Variants in CTNND2 observed in about 807,000 individuals in gnomAD.
CTNND2 encodes catenin delta 2, also known as catenin delta-2.
A neutral mutation model predicts 144.4 loss-of-function variants in CTNND2; 22 were observed. The ratio of observed to expected loss-of-function variants is 0.15; its 90% CI spans 0.11 to 0.22. CTNND2 has a LOEUF of 0.22. CTNND2 is among the 10% of genes least tolerant of loss of function. The pLI, the probability that CTNND2 is intolerant of heterozygous loss-of-function variation, is 1.00. For synonymous variants in CTNND2, 751 were observed against 695.6 expected, an observed-to-expected ratio of 1.08 and a Z score of -1.25; for missense variants, 1,353 against 1,618.8, an observed-to-expected ratio of 0.84 and a Z score of 2.82.
intron 7 of CTNND2, among the ~76,000 whole-genome samples, chr5:11,368,530 C>T (rs1757181768): frequency 6.6e-6 from 1 of 152,154 alleles, no homozygotes; most frequent in Non-Finnish European, 1.5e-5. Flanking sequence ...ACATCCCCTG[C>T]TTCTATGTTG....
At chr5:11,466,642 T>A (rs1056208845) in intron 3 of CTNND2, among the ~76,000 whole-genome samples, 1 of 152,136 alleles carries the variant, frequency 6.6e-6, no homozygotes, top group African/African-American at 2.4e-5. Context: ...CTTTAAGAAA[T>A]CATGTCTCTA....
intron 1 of CTNND2, among the ~76,000 whole-genome samples, chr5:11,871,283 A>G (rs953329883): frequency 6.6e-6 from 1 of 152,186 alleles, no homozygotes; most frequent in Non-Finnish European, 1.5e-5. Flanking sequence ...GCCATCTCTC[A>G]TGTTTACATG....
intron 3 of CTNND2, among the ~76,000 whole-genome samples, chr5:11,465,140 T>C (rs61757543): frequency 0.013 from 1,944 of 152,340 alleles, 40 homozygotes; most frequent in African/African-American, 0.043. Flanking sequence ...TAAGAATAAC[T>C]AAGATATTTT....
intron 2 of CTNND2, among the ~76,000 whole-genome samples, chr5:11,684,831 A>C (rs947501112): frequency 6.6e-6 from 1 of 152,228 alleles, no homozygotes; most frequent in Non-Finnish European, 1.5e-5. Flanking sequence ...TCCTTCTTCA[A>C]CTGCCTTAAA....
intron 1 of CTNND2, among the ~76,000 whole-genome samples, chr5:11,836,827 A>G (rs1302026494): frequency 6.6e-6 from 1 of 152,238 alleles, no homozygotes; most frequent in Non-Finnish European, 1.5e-5. Flanking sequence ...GAGAGCTGAC[A>G]AATGACCTAT....
At chr5:11,023,086 G>T in intron 16 of CTNND2, 107 bp from the exon 17 acceptor site, 1 of 945,070 alleles carries the variant, frequency 1.1e-6, no homozygotes, top group Non-Finnish European at 1.6e-6. Context: ...CCACGTTTAT[G>T]CAAAATTGTT....
intron 3 of CTNND2, among the ~76,000 whole-genome samples, chr5:11,437,444 T>G (rs1763870161): frequency 6.6e-6 from 1 of 152,082 alleles, no homozygotes; most frequent in South Asian, 2.1e-4. Flanking sequence ...GGGCACAAAG[T>G]CTAAGATTTG....
intron 9 of CTNND2, among the ~76,000 whole-genome samples, chr5:11,243,844 C>T (rs983808504): frequency 2.6e-5 from 4 of 152,194 alleles, no homozygotes; most frequent in Admixed American, 6.5e-5. Flanking sequence ...AGTCCCAGGA[C>T]AACTAGAATC....
At chr5:11,406,865 G>A (rs1305333492) in intron 5 of CTNND2, among the ~76,000 whole-genome samples, 1 of 151,744 alleles carries the variant, frequency 6.6e-6, no homozygotes, top group Non-Finnish European at 1.5e-5. Context: ...TATTAGCTCT[G>A]AAGATTTTCT....
intron 3 of CTNND2, among the ~76,000 whole-genome samples, chr5:11,422,560 C>T (rs892933557): frequency 2.0e-5 from 3 of 152,232 alleles, no homozygotes; most frequent in African/African-American, 7.2e-5. Flanking sequence ...TGGACACACG[C>T]GACTCCTGTG....
At chr5:11,850,247 C>T (rs1300990651) in intron 1 of CTNND2, among the ~76,000 whole-genome samples, 1 of 152,058 alleles carries the variant, frequency 6.6e-6, no homozygotes, top group Non-Finnish European at 1.5e-5. Context: ...CACTCCACTC[C>T]ACCCAAAACT....
At chr5:11,819,565 T>C (rs1793202721) in intron 1 of CTNND2, among the ~76,000 whole-genome samples, 1 of 152,168 alleles carries the variant, frequency 6.6e-6, no homozygotes, top group Non-Finnish European at 1.5e-5. Context: ...TCCACCCCTG[T>C]TCAGGCTCAG....
intron 11 of CTNND2, among the ~76,000 whole-genome samples, chr5:11,179,430 T>A (rs1331261888): frequency 6.6e-6 from 1 of 152,164 alleles, no homozygotes; most frequent in Non-Finnish European, 1.5e-5. Context: ...TAAATATACA[T>A]ATTTATCTCG....
At position 11,240,383 on chromosome 5, in the gene CTNND2, C is replaced by CACCCAAACACACACCCA. The variant is rs1393747686; in HGVS notation, c.1629-3561_1629-3560insTGGGTGTGTGTTTGGGT. Among the ~76,000 whole-genome samples the CACCCAAACACACACCCA allele has an allele frequency of 3.6e-4, 8 of 22,112 alleles. 3 individuals are homozygous for CACCCAAACACACACCCA. The highest frequency in any genetic ancestry group is 4.2e-3 in the South Asian group (2 of 476). The allele number at this position is 22,112 out of a possible 152,430, so 14.5% of individuals were successfully genotyped here. A position where few individuals can be genotyped will look rare whatever the true frequency, so the allele number is the denominator to read the frequency against. ...TTCACACACACCCAACACACACATACACTCACACACCCAACACACACACCC... is the reference window on the plus strand; with the variant it reads ...TTCACACACACCCAACACACACATACACCCAAACACACACCCAACTCACACACCCAACACACACACCC... On this transcript the variant is annotated intron_variant, in intron 9 of 21. Transcript: ENST00000304623.
At chr5:11,649,335 T>C (rs1197332898) in intron 2 of CTNND2, among the ~76,000 whole-genome samples, 2 of 152,168 alleles carry the variant, frequency 1.3e-5, no homozygotes, top group African/African-American at 4.8e-5. Context: ...TTTATTTTTT[T>C]AAGACAGAGT....
At chr5:11,310,646 A>G (rs1561196151) in intron 9 of CTNND2, among the ~76,000 whole-genome samples, 1 of 151,798 alleles carries the variant, frequency 6.6e-6, no homozygotes, top group Non-Finnish European at 1.5e-5. Context: ...ACCCGGATTT[A>G]CCGACCTCTC....
intron 7 of CTNND2, among the ~76,000 whole-genome samples, chr5:11,379,147 T>C (rs1164647632): frequency 1.3e-5 from 2 of 152,226 alleles, no homozygotes; most frequent in Non-Finnish European, 2.9e-5. Context: ...GTTATTCTCT[T>C]TGTAAAAGTG....
At chr5:11,808,731 C>T (rs1792146677) in intron 1 of CTNND2, among the ~76,000 whole-genome samples, 1 of 152,174 alleles carries the variant, frequency 6.6e-6, no homozygotes, top group Non-Finnish European at 1.5e-5. Context: ...GCAAACCAAA[C>T]TTTCTACATT....
chr5:11,513,958 T>A (rs1561498658), intron 3 of CTNND2, among the ~76,000 whole-genome samples: 2 of 152,138 alleles, frequency 1.3e-5, no homozygotes, highest in Non-Finnish European at 2.9e-5. Context: ...TTTATAATTT[T>A]AAAAAATCTA....
Sources: allele counts gnomAD v4.1 joint callset (sites outside exome capture counted in the v4.1 genomes callset), GRCh38; gene constraint gnomAD v4.1.1; transcripts MANE v1.5; gene names NCBI Gene and HGNC (gene_info 2026-07-23, HGNC 2026-07-21).